SAMD5: variants seen among roughly 807,000 people sequenced by gnomAD.
The protein encoded by SAMD5 is sterile alpha motif domain containing 5.
A neutral mutation model predicts 11.3 loss-of-function variants in SAMD5; 13 were observed. The observed-to-expected ratio is 1.15, with a 90% CI of 0.75 to 1.83. SAMD5 has a LOEUF of 1.83. SAMD5 is among the 40% of genes most tolerant of loss of function. SAMD5 has a pLI of 0.00. For missense variants in SAMD5, 255 were observed against 239.1 expected (o/e 1.07, Z -0.44); for synonymous variants, 129 against 111.3 (o/e 1.16, Z -1.00).
At chr6:147,619,414 A>G (rs1340473019) in intron 1 of SAMD5, among the ~76,000 whole-genome samples, 1 of 152,238 alleles carries the variant, frequency 6.6e-6, no homozygotes, top group Non-Finnish European at 1.5e-5. Flanking sequence ...GAGTTTGTAT[A>G]AGATCCATGG....
At chr6:147,891,479 T>C in the SAMD5 span, among the ~76,000 whole-genome samples, 2 of 152,024 alleles carry the variant, frequency 1.3e-5, no homozygotes, top group Admixed American at 6.6e-5. Context: ...AGGAACATAA[T>C]AGAATTTTAG....
the SAMD5 span, among the ~76,000 whole-genome samples, chr6:147,813,200 G>A: frequency 1.3e-5 from 2 of 152,310 alleles, no homozygotes; most frequent in East Asian, 1.9e-4. Context: ...AGAGATACAC[G>A]AGAGTAGGTG....
rs145125226 is a variant in SAMD5, at chr6:147,568,813, T to G, written c.*4357T>G. ...CTTTGATTAAAAAATCATCTTCAGCTTTACATTATTAATCTCTGAGGACAT... is the reference window on the plus strand; with the variant it reads ...CTTTGATTAAAAAATCATCTTCAGCGTTACATTATTAATCTCTGAGGACAT... On this transcript the variant is annotated 3_prime_UTR_variant, in exon 2 of 2. Coordinates refer to ENST00000367474, the MANE Select transcript of SAMD5 (RefSeq NM_001030060.3). 125 of 951,428 alleles carry G rather than the reference T, an allele frequency of 1.3e-4. No homozygotes were observed. In the African/African-American group the frequency reaches 1.9e-3, roughly 15 times the overall value. The allele number at this position is 951,428 out of a possible 1,614,324, so 58.9% of individuals were successfully genotyped here. A position where few individuals can be genotyped will look rare whatever the true frequency, so the allele number is the denominator to read the frequency against.
the SAMD5 span, among the ~76,000 whole-genome samples, chr6:147,831,530 C>G: frequency 6.6e-6 from 1 of 152,126 alleles, no homozygotes; most frequent in African/African-American, 2.4e-5. Context: ...CTGTCAAGAT[C>G]CTTGGATTCC....
At chr6:147,890,862 A>C in the SAMD5 span, among the ~76,000 whole-genome samples, 66,789 of 151,834 alleles carry the variant, frequency 0.44, 14,840 homozygotes, top group South Asian at 0.6. Context: ...TGTGCATACA[A>C]ATTTTCAAAG....
At chr6:147,573,085 T>G (rs554344349), downstream of SAMD5, among the ~76,000 whole-genome samples, 6 of 152,210 alleles carry the variant, frequency 3.9e-5, no homozygotes, top group South Asian at 2.1e-4. Context: ...GTGTCTTGTT[T>G]TCCTTTTCTT....
chr6:147,937,465 C>T, the SAMD5 span, among the ~76,000 whole-genome samples: 5 of 152,186 alleles, frequency 3.3e-5, no homozygotes, highest in African/African-American at 7.2e-5. Context: ...TAGGGACTCT[C>T]TTTAGAATCC....
intron 1 of SAMD5, among the ~76,000 whole-genome samples, chr6:147,661,320 G>A (rs988419614): frequency 1.3e-5 from 2 of 152,110 alleles, no homozygotes; most frequent in Non-Finnish European, 2.9e-5. Context: ...AAGTAAATGC[G>A]TAAAATATCT....
chr6:147,748,845 A>G, the SAMD5 span, among the ~76,000 whole-genome samples: 1 of 152,204 alleles, frequency 6.6e-6, no homozygotes, highest in Non-Finnish European at 1.5e-5. Flanking sequence ...CTTCTGAAGC[A>G]TTCAGCCAAT....
At chr6:147,914,837 T>C in the SAMD5 span, among the ~76,000 whole-genome samples, 1 of 152,294 alleles carries the variant, frequency 6.6e-6, no homozygotes, top group East Asian at 1.9e-4. Flanking sequence ...TAATGTCACC[T>C]GTAATATTCA....
chr6:147,740,087 G>T (rs113255719), downstream of SAMD5, among the ~76,000 whole-genome samples: 740 of 152,180 alleles, frequency 4.9e-3, 5 homozygotes, highest in African/African-American at 0.017. Context: ...CAAAGTGCTG[G>T]GATTGCAGGC....
At chr6:147,604,113 AC>A (rs1190564402) in intron 1 of SAMD5, among the ~76,000 whole-genome samples, 1 of 152,212 alleles carries the variant, frequency 6.6e-6, no homozygotes, top group Admixed American at 6.5e-5. Flanking sequence ...TGTTTCTAAC[AC>A]GAAGACTGAC....
At chr6:147,539,352 C>T (rs1788563267) in intron 1 of SAMD5, among the ~76,000 whole-genome samples, 1 of 152,160 alleles carries the variant, frequency 6.6e-6, no homozygotes, top group African/African-American at 2.4e-5. Flanking sequence ...CATGCTTCTC[C>T]GATCCAGGTG....
chr6:147,881,957 C>G, the SAMD5 span, among the ~76,000 whole-genome samples: 2 of 152,130 alleles, frequency 1.3e-5, no homozygotes, highest in African/African-American at 4.8e-5. Flanking sequence ...TGTCCAGTGC[C>G]CGATATGAAT....
chr6:147,810,724 A>G, the SAMD5 span, among the ~76,000 whole-genome samples: 1 of 152,048 alleles, frequency 6.6e-6, no homozygotes. Flanking sequence ...TGTTCTGAGA[A>G]CTCTATTGGA....
rs539658319 is a variant in SAMD5, at chr6:147,539,059, A to C, written c.460-25335A>C. Among the ~76,000 whole-genome samples, 35 of 152,308 alleles carry C rather than the reference A, an allele frequency of 2.3e-4. 2 individuals are homozygous for C. The South Asian group carries it at 6.8e-3, about 30-fold the overall frequency. ...GCTTAAGGGTGGAGCGCTTGGAGCA[A>C]CAGGGCTAGGAAAGCATGCATTTCT... On this transcript the variant is annotated intron_variant, in intron 1 of 1. Coordinates refer to ENST00000367474, the MANE Select transcript of SAMD5 (RefSeq NM_001030060.3).
chr6:147,690,206 C>T (rs1791080864), intron 1 of SAMD5, among the ~76,000 whole-genome samples: 1 of 152,128 alleles, frequency 6.6e-6, no homozygotes, highest in Admixed American at 6.5e-5. Flanking sequence ...AATTCTTCAA[C>T]CATACAAACC....
rs191001174 is a variant in SAMD5, at chr6:147,689,393, A to C, written c.163-47924A>C. Among the ~76,000 whole-genome samples, 185 of 151,830 alleles carry C rather than the reference A, an allele frequency of 1.2e-3. 2 individuals carry two copies. The highest frequency in any genetic ancestry group is 4.4e-3 in the African/African-American group (181 of 41,294). On this transcript the variant is annotated intron_variant, in intron 1 of 1. Transcript: ENST00000566741. The stretch of plus-strand genomic sequence containing the variant: ...TACTTCCAAAATATACCAACTCATT[A>C]CCTTGGAAAATCTAATGAATCTCTC...
At chr6:147,540,024 G>T (rs1788574577) in intron 1 of SAMD5, among the ~76,000 whole-genome samples, 1 of 152,128 alleles carries the variant, frequency 6.6e-6, no homozygotes. Context: ...CATAATTAAG[G>T]TTATAACTTA....
Sources: gnomAD v4.1 joint callset for allele counts (sites outside exome capture counted in the v4.1 genomes callset) on GRCh38, gnomAD v4.1.1 for gene constraint, MANE v1.5 for transcripts, NCBI Gene and HGNC (gene_info 2026-07-23, HGNC 2026-07-21) for gene names.